The following ZNF516 variants were observed in gnomAD, a reference collection of about 807,000 sequenced individuals.
The protein encoded by ZNF516 is zinc finger protein 516.
In ZNF516, 19 loss-of-function variants were observed where a neutral mutation model predicts 79.7. The observed-to-expected ratio is 0.24, with a 90% CI of 0.17 to 0.35. The LOEUF (loss-of-function observed/expected upper bound fraction) is 0.35. Ranked by LOEUF, ZNF516 falls within the 10% of genes least tolerant of loss-of-function variation. The pLI is 1.00. For synonymous variants in ZNF516, 877 were observed against 739.5 expected, an observed-to-expected ratio of 1.19 and a Z score of -3.02; for missense variants, 1,678 against 1,679.5, an observed-to-expected ratio of 1.00 and a Z score of 0.02.
chr18:76,392,568 A>G (rs1401424261), intron 3 of ZNF516, among the ~76,000 whole-genome samples: 7 of 126,962 alleles, frequency 5.5e-5, no homozygotes, highest in Admixed American at 1.5e-4. Context: ...CGTGGGGGAA[A>G]GGTGGATGGG....
At chr18:76,397,921 A>G (rs2075167977) in intron 3 of ZNF516, among the ~76,000 whole-genome samples, 1 of 152,200 alleles carries the variant, frequency 6.6e-6, no homozygotes, top group Non-Finnish European at 1.5e-5. Context: ...TTGATGTCCG[A>G]ACAAAAACAG....
chr18:76,456,140 A>G (rs1014513572), intron 2 of ZNF516, among the ~76,000 whole-genome samples: 11 of 152,200 alleles, frequency 7.2e-5, no homozygotes, highest in Non-Finnish European at 1.5e-4. Context: ...TCTTCTCAGG[A>G]GCCCTGGCGA....
At chr18:76,413,737 G>A (rs1256644591) in intron 3 of ZNF516, among the ~76,000 whole-genome samples, 1 of 152,126 alleles carries the variant, frequency 6.6e-6, no homozygotes, top group Admixed American at 6.5e-5. Context: ...GGTTCAATGT[G>A]ACTGTATAAA....
intron 3 of ZNF516, among the ~76,000 whole-genome samples, chr18:76,423,112 T>C (rs1384324174): frequency 6.6e-6 from 1 of 152,110 alleles, no homozygotes; most frequent in East Asian, 1.9e-4. Context: ...GGCAGCACAA[T>C]CTAACAGAGA....
At chr18:76,472,492 CACTT>C (rs1410965200) in intron 1 of ZNF516, among the ~76,000 whole-genome samples, 3 of 152,256 alleles carry the variant, frequency 2.0e-5, no homozygotes, top group South Asian at 4.1e-4. Flanking sequence ...CACTCAGGCA[CACTT>C]ACACACATAT....
chr18:76,418,163 A>ACTGTAACACACG (rs1206595158), intron 3 of ZNF516, among the ~76,000 whole-genome samples: 48 of 152,260 alleles, frequency 3.2e-4, no homozygotes, highest in African/African-American at 1.1e-3. Context: ...ACAGTAACAC[A>ACTGTAACACACG]CTGTAACACA....
chr18:76,444,997 T>C (rs979638116), intron 2 of ZNF516, among the ~76,000 whole-genome samples: 6 of 152,182 alleles, frequency 3.9e-5, no homozygotes, highest in Non-Finnish European at 7.4e-5. Context: ...ACACAGAGGT[T>C]CTGCTCCTTC....
chr18:76,390,609 ACAAGTCTC>A, intron 3 of ZNF516, among the ~76,000 whole-genome samples: 1 of 152,306 alleles, frequency 6.6e-6, no homozygotes, highest in East Asian at 1.9e-4. Flanking sequence ...AGCACCACCC[ACAAGTCTC>A]CAAGTCTCCG....
Position 76,451,195 on chromosome 18 carries a change from T to C in ZNF516, c.-157-7984A>G, listed in dbSNP as rs1198119488. Among the ~76,000 whole-genome samples the C allele has an allele frequency of 6.6e-6, 1 of 152,180 alleles. No individual in the cohort carries two copies. The highest frequency in any genetic ancestry group is 2.4e-5 in the African/African-American group (1 of 41,432). On this transcript the variant is annotated intron_variant, in intron 2 of 6. Coordinates refer to ENST00000443185, the MANE Select transcript of ZNF516 (RefSeq NM_014643.4). This position sits in a 1 kb window ranked among gnomAD's most constrained non-coding sequence, Gnocchi z 6.0. ...AAATGCCTATCTAGCTTGGCATTTT[T>C]TTCAGTTCTGGTTCATGAATTAACC...
intron 1 of ZNF516, among the ~76,000 whole-genome samples, chr18:76,480,466 CATAT>C (rs1284295949): frequency 6.7e-6 from 1 of 150,048 alleles, no homozygotes; most frequent in Admixed American, 6.7e-5. Flanking sequence ...CTGGTTTTTA[CATAT>C]ATATACACAC....
rs1198944980 is a variant in ZNF516, at chr18:76,443,097, T to A, written c.-43A>T. On this transcript the variant is annotated 5_prime_UTR_variant, in exon 3 of 7. Coordinates refer to ENST00000443185, the MANE Select transcript of ZNF516 (RefSeq NM_014643.4). ...CCGGTGGTGGCGGCACAGCTTTCTG[T>A]CGCGCGGGCTGCAGGGACCGTCCTA... The A allele has an allele frequency of 6.5e-7, 1 of 1,533,674 alleles. No homozygotes were observed. Among genetic ancestry groups the A allele is most frequent in the East Asian group, 2.4e-5 (1 of 41,412 alleles).
chr18:76,379,847 G>A lies in ZNF516; in HGVS notation c.2267C>T (p.Ala756Val). The change falls in exon 4 of 7, where the codon GCT becomes GTT. Residue 756 changes from alanine to valine, a missense_variant. Physicochemically the swap from Ala to Val is moderately conservative, Grantham distance 64. Coordinates refer to ENST00000443185, the MANE Select transcript of ZNF516 (RefSeq NM_014643.4). ...NKETASSLQA[A>V]LVVHPCPYCS... is the part of the protein sequence containing the mutation. ...GTAAGGACACGGGTGAACGACTAAAGCCGCCTGCAGGGAGGAGGCCGTCTC... is the reference window on the plus strand; with the variant it reads ...GTAAGGACACGGGTGAACGACTAAAACCGCCTGCAGGGAGGAGGCCGTCTC... 1 of 1,613,892 alleles carries A rather than the reference G, an allele frequency of 6.2e-7. No individual in the cohort carries two copies. Among genetic ancestry groups the A allele is most frequent in the Non-Finnish European group, 8.5e-7 (1 of 1,179,872 alleles).
At chr18:76,474,549 T>C (rs1200931588) in intron 1 of ZNF516, among the ~76,000 whole-genome samples, 3 of 152,192 alleles carry the variant, frequency 2.0e-5, no homozygotes, top group Non-Finnish European at 4.4e-5. Context: ...GTGTCAAAAT[T>C]TATGGTACAC....
chr18:76,489,372 TCTC>T (rs1381993981), intron 1 of ZNF516, among the ~76,000 whole-genome samples: 1 of 152,176 alleles, frequency 6.6e-6, no homozygotes, highest in Admixed American at 6.5e-5. Context: ...TTTACAGAAG[TCTC>T]CTTTCCTTTT....
At chr18:76,384,956 G>T (rs1276520492) in intron 3 of ZNF516, among the ~76,000 whole-genome samples, 1 of 152,224 alleles carries the variant, frequency 6.6e-6, no homozygotes, top group African/African-American at 2.4e-5. Flanking sequence ...CACCAGAGAG[G>T]GAAGGCTGGC....
chr18:76,483,942 C>G (rs1914681007), intron 1 of ZNF516, among the ~76,000 whole-genome samples: 1 of 152,174 alleles, frequency 6.6e-6, no homozygotes, highest in South Asian at 2.1e-4. Context: ...CGCACGACAT[C>G]CCCGTGGAAA....
chr18:76,382,958 C>T (rs1042405838), intron 3 of ZNF516, among the ~76,000 whole-genome samples: 3 of 151,292 alleles, frequency 2.0e-5, no homozygotes, highest in Non-Finnish European at 4.4e-5. Flanking sequence ...TTCCCTTGAA[C>T]CCTGGAGGGG....
At chr18:76,465,885 G>A (rs944387155) in intron 1 of ZNF516, among the ~76,000 whole-genome samples, 2 of 152,212 alleles carry the variant, frequency 1.3e-5, no homozygotes, top group African/African-American at 4.8e-5. Context: ...CTTGGGAGAA[G>A]GACCCGAGCG....
chr18:76,434,718 C>G (rs1029318517), intron 3 of ZNF516, among the ~76,000 whole-genome samples: 19 of 152,230 alleles, frequency 1.2e-4, no homozygotes, highest in African/African-American at 4.3e-4. Flanking sequence ...CGCGGACACA[C>G]CAGGAAGGGG....
Sources: gnomAD v4.1 joint callset for allele counts (sites outside exome capture counted in the v4.1 genomes callset) on GRCh38, gnomAD v4.1.1 for gene constraint, Gnocchi (gnomAD v3.1) non-coding constraint, MANE v1.5 for transcripts, NCBI Gene and HGNC (gene_info 2026-07-23, HGNC 2026-07-21) for gene names.